Variants in TM7SF3 observed in about 807,000 individuals in gnomAD.
The protein encoded by TM7SF3 is transmembrane 7 superfamily member 3.
Under a neutral mutation model 65.5 loss-of-function variants are expected in TM7SF3, and 60 were observed. That is an observed-to-expected ratio of 0.92 (90% CI 0.74 to 1.14). TM7SF3 has a LOEUF of 1.14. Among genes scored for constraint, TM7SF3 ranks in the 50% most tolerant of loss-of-function variants. The probability of loss-of-function intolerance (pLI) is 0.00; values close to 1 mark genes in which losing one functional copy is unlikely to be tolerated. For missense variants in TM7SF3, 623 were observed against 684.8 expected (o/e 0.91, Z 1.01); for synonymous variants, 264 against 259.6 (o/e 1.02, Z -0.16).
rs1274216957 is a variant in TM7SF3 at position 26,975,675 on chromosome 12, G to A, written c.1288-17C>T. On this transcript the variant is annotated splice_polypyrimidine_tract_variant and intron_variant, in intron 10 of 11. Coordinates refer to ENST00000343028, the MANE Select transcript of TM7SF3 (RefSeq NM_016551.3). ...TATGTTCAGCTGTGGAAGAGTGGAA[G>A]AGTTTAGGCATCATCCATGTTAGAA... 6.2e-7 allele frequency: 1 copy of A among 1,613,106 alleles called. No individual in the cohort carries two copies. The highest frequency in any genetic ancestry group is 1.7e-5 in the Admixed American group (1 of 59,876).
intron 1 of TM7SF3, among the ~76,000 whole-genome samples, chr12:27,006,227 C>A: frequency 6.7e-6 from 1 of 149,704 alleles, no homozygotes; most frequent in Non-Finnish European, 1.5e-5. Flanking sequence ...AAATCTCCAC[C>A]TCCAGGTTCA....
intron 6 of TM7SF3, among the ~76,000 whole-genome samples, chr12:26,985,079 C>T (rs375537659): frequency 1.3e-5 from 2 of 152,314 alleles, no homozygotes; most frequent in African/African-American, 4.8e-5. Flanking sequence ...TGGATCAGAG[C>T]TCTCTGTCTC....
At chr12:26,986,702 A>G (rs1329352042) in intron 6 of TM7SF3, among the ~76,000 whole-genome samples, 4 of 152,132 alleles carry the variant, frequency 2.6e-5, no homozygotes, top group Admixed American at 2.6e-4. Flanking sequence ...TCCTTGAAAG[A>G]GCTACTTGAA....
chr12:27,003,537 A>C, intron 1 of TM7SF3, 147 bp from the exon 2 acceptor site: 2 of 738,124 alleles, frequency 2.7e-6, no homozygotes, highest in Non-Finnish European at 4.2e-6. Flanking sequence ...TGCTAAAGAC[A>C]ATGTGGCTTA....
At chr12:26,990,334 G>A in intron 6 of TM7SF3, 116 bp downstream of exon 6, 3 of 713,066 alleles carry the variant, frequency 4.2e-6, no homozygotes, top group Non-Finnish European at 7.1e-6. Context: ...GCCTAGAACA[G>A]AGAGTGGAAT....
At chr12:26,974,581 TCACATATGTACATCATGGAA>T (rs1236525343) in intron 11 of TM7SF3, among the ~76,000 whole-genome samples, 1 of 152,332 alleles carries the variant, frequency 6.6e-6, no homozygotes, top group African/African-American at 2.4e-5. Context: ...TAGTTACACT[TCACATATGTACATCATGGAA>T]CATCAGATTC....
At chr12:27,005,959 CT>C (rs1565468072) in intron 1 of TM7SF3, among the ~76,000 whole-genome samples, 2 of 137,874 alleles carry the variant, frequency 1.5e-5, no homozygotes, top group Admixed American at 1.4e-4. Context: ...GCCACCACGC[CT>C]GGCTAATTTT....
rs1939441860 is a variant in TM7SF3 at position 26,973,457 on chromosome 12, G to GCCA, written c.*505_*507dup. 6.5e-6 allele frequency: 1 copy of GCCA among 152,962 alleles called. No homozygotes were observed. Among genetic ancestry groups the GCCA allele is most frequent in the Non-Finnish European group, 1.5e-5 (1 of 68,730 alleles). 9.5% of individuals were successfully genotyped at this position (152,962 alleles called of 1,614,324 possible). A position where few individuals can be genotyped will look rare whatever the true frequency, so the allele number is the denominator to read the frequency against. Reference sequence around the variant, plus strand: ...CCCAGTATTGGGATTACAGGTGTGAGCCACCATGTCTGGCTTGCTTCTCTT... The same window carrying GCCA: ...CCCAGTATTGGGATTACAGGTGTGAGCCACCACCATGTCTGGCTTGCTTCTCTT... On this transcript the variant is annotated 3_prime_UTR_variant, in exon 12 of 12. Coordinates refer to ENST00000343028, the MANE Select transcript of TM7SF3 (RefSeq NM_016551.3).
chr12:26,979,531 C>T (rs999725555), intron 9 of TM7SF3: 10 of 471,998 alleles, frequency 2.1e-5, no homozygotes, highest in African/African-American at 9.8e-5. Flanking sequence ...CTAATAAACA[C>T]ATACCACTTA....
At chr12:26,976,427 C>A (rs1436672189) in intron 9 of TM7SF3, 70 bp from the exon 10 acceptor site, 1 of 996,922 alleles carries the variant, frequency 1.0e-6, no homozygotes, top group Admixed American at 1.9e-5. Flanking sequence ...CTTGGAACAT[C>A]TGAACACAGA....
chr12:27,012,955 G>A (rs1156253738), intron 1 of TM7SF3: 1 of 278,946 alleles, frequency 3.6e-6, no homozygotes, highest in African/African-American at 2.5e-5. Context: ...CCAAGATCAT[G>A]CCACTGCACT....
Position 27,014,310 on chromosome 12 carries a change from T to A in TM7SF3, c.-142A>T. On this transcript the variant is annotated 5_prime_UTR_variant, in exon 1 of 12. Coordinates refer to ENST00000343028, the MANE Select transcript of TM7SF3 (RefSeq NM_016551.3). The stretch of plus-strand genomic sequence containing the variant: ...CCGCCAGGTGCAGACGCTTCGCACC[T>A]GCCAGCTCCGCAGCCGCCGGCGCGC... 5.6e-6 allele frequency: 3 copies of A among 533,326 alleles called. No homozygotes were observed. Among genetic ancestry groups the A allele is most frequent in the Non-Finnish European group, 8.7e-6 (3 of 344,856 alleles). The allele number at this position is 533,326 out of a possible 1,614,324, so 33.0% of individuals were successfully genotyped here.
chr12:27,011,105 C>A (rs1941228557), intron 1 of TM7SF3, among the ~76,000 whole-genome samples: 1 of 152,178 alleles, frequency 6.6e-6, no homozygotes, highest in African/African-American at 2.4e-5. Flanking sequence ...CTCCCAATTT[C>A]TCATTGTTAT....
intron 1 of TM7SF3, 79 bp from the exon 2 acceptor site, chr12:27,003,469 GGA>G: frequency 2.2e-6 from 3 of 1,359,632 alleles, no homozygotes; most frequent in Non-Finnish European, 3.0e-6. Flanking sequence ...AAATGAATGT[GGA>G]ATTTAATCCT....
At chr12:27,008,446 C>T (rs7978228) in intron 1 of TM7SF3, among the ~76,000 whole-genome samples, 19,212 of 152,134 alleles carry the variant, frequency 0.13, 1,689 homozygotes, top group Admixed American at 0.26. Context: ...CTGACAGATA[C>T]GTTGCGAATA....
At position 27,014,293 on chromosome 12, in the gene TM7SF3, T is replaced by G. The variant is rs1426673992; in HGVS notation, c.-125A>C. ...GCATCGGGCGCCATCGCCCGCCAGG[T>G]GCAGACGCTTCGCACCTGCCAGCTC... is the stretch of plus-strand genomic sequence containing the variant. On this transcript the variant is annotated 5_prime_UTR_variant, in exon 1 of 12. Transcript: ENST00000343028. 5.3e-6 allele frequency: 4 copies of G among 761,750 alleles called. No homozygotes were observed. Among genetic ancestry groups the G allele is most frequent in the Non-Finnish European group, 7.7e-6 (4 of 517,648 alleles). The allele number at this position is 761,750 out of a possible 1,614,324, so 47.2% of individuals were successfully genotyped here.
chr12:27,006,632 G>T (rs553997993), intron 1 of TM7SF3, among the ~76,000 whole-genome samples: 3 of 152,328 alleles, frequency 2.0e-5, no homozygotes, highest in African/African-American at 7.2e-5. Context: ...ACAATGTACA[G>T]AAATCACCAC....
intron 6 of TM7SF3, among the ~76,000 whole-genome samples, chr12:26,988,192 T>A (rs1940183810): frequency 6.6e-6 from 1 of 152,182 alleles, no homozygotes; most frequent in Admixed American, 6.5e-5. Context: ...AGACGGGGTC[T>A]CACTCTGTTG....
At chr12:26,976,148 A>C in intron 10 of TM7SF3, 112 bp downstream of exon 10, 1 of 777,298 alleles carries the variant, frequency 1.3e-6, no homozygotes, top group Non-Finnish European at 2.2e-6. Flanking sequence ...CATCTGATAC[A>C]GGTAACACAG....
Sources: allele counts gnomAD v4.1 joint callset (sites outside exome capture counted in the v4.1 genomes callset), GRCh38; gene constraint gnomAD v4.1.1; transcripts MANE v1.5; gene names NCBI Gene and HGNC (gene_info 2026-07-23, HGNC 2026-07-21).